The following MAF variants were observed in gnomAD, a reference collection of about 807,000 sequenced individuals.
The protein encoded by MAF is transcription factor Maf.
In MAF, 10 loss-of-function variants were observed where a neutral mutation model predicts 22.0. That is an observed-to-expected ratio of 0.45 (90% CI 0.28 to 0.77). The LOEUF (loss-of-function observed/expected upper bound fraction) is 0.77, where lower values mean the gene tolerates loss of function less well. Ranked by LOEUF, MAF falls within the 30% of genes least tolerant of loss-of-function variation. The pLI, the probability that MAF is intolerant of heterozygous loss-of-function variation, is 0.12. For missense variants in MAF, 544 were observed against 548.4 expected, an observed-to-expected ratio of 0.99 and a Z score of 0.08; for synonymous variants, 337 against 255.8, an observed-to-expected ratio of 1.32 and a Z score of -3.03.
At position 79,599,292 on chromosome 16, in the gene MAF, C is replaced by T. The variant is rs867401075; in HGVS notation, c.611G>A (p.Gly204Asp). The T allele has an allele frequency of 1.0e-6, 1 of 979,642 alleles. No individual in the cohort carries two copies. Among genetic ancestry groups the T allele is most frequent in the Non-Finnish European group, 1.2e-6 (1 of 827,914 alleles). The allele number at this position is 979,642 out of a possible 1,614,324, so 60.7% of individuals were successfully genotyped here. ...GCCACCGGCCGAGGCGGCCGCGCTG[C>T]CCGCGGCGCCGGGCGCGCCGGCCGT... Reference protein sequence around the residue: ...HPTAGAPGAAGSAAASAGGAG... With the variant: ...HPTAGAPGAADSAAASAGGAG... Residue 204 changes from glycine to aspartate, a missense_variant, in exon 1 of 2, where the codon GGC (glycine) becomes GAC (aspartate). This residue lies in a region of MAF where 342 missense variants were observed against 315.5 expected (regional missense o/e 1.08). Transcript: ENST00000326043.
At chr16:79,516,050 TTCCAGCTC>T in the MAF span, 1 of 149,264 alleles carries the variant, frequency 6.7e-6, no homozygotes, top group African/African-American at 2.5e-5. Context: ...TATCCCATGA[TTCCAGCTC>T]TCCAGCAATT....
At chr16:79,313,419 C>G in the MAF span, among the ~76,000 whole-genome samples, 6 of 152,160 alleles carry the variant, frequency 3.9e-5, no homozygotes, top group Non-Finnish European at 8.8e-5. Context: ...CAGTCATGAC[C>G]AGGTCCATGA....
At chr16:79,522,297 A>T in the MAF span, among the ~76,000 whole-genome samples, 1 of 152,106 alleles carries the variant, frequency 6.6e-6, no homozygotes. Flanking sequence ...TTTTTACATG[A>T]GTCTTCCTGC....
chr16:79,476,747 G>C, the MAF span, among the ~76,000 whole-genome samples: 4 of 152,214 alleles, frequency 2.6e-5, no homozygotes, highest in African/African-American at 9.7e-5. Context: ...ATGACAGTGA[G>C]TGAGTAGACT....
chr16:79,279,994 A>G, the MAF span, among the ~76,000 whole-genome samples: 3 of 152,186 alleles, frequency 2.0e-5, no homozygotes, highest in Admixed American at 1.3e-4. Context: ...GATGTGAAGC[A>G]TGGTTTCTGC....
chr16:79,596,160 T>A, intron 1 of MAF: 2 of 1,063,004 alleles, frequency 1.9e-6, no homozygotes, highest in Non-Finnish European at 2.3e-6. Flanking sequence ...TGATCAGAAG[T>A]GTAGGGCCAT....
chr16:79,263,236 T>A, the MAF span, among the ~76,000 whole-genome samples: 1 of 152,318 alleles, frequency 6.6e-6, no homozygotes, highest in East Asian at 1.9e-4. Flanking sequence ...CCAAGAGTTT[T>A]GGCCAAGTCA....
the MAF span, among the ~76,000 whole-genome samples, chr16:79,419,181 T>C: frequency 6.6e-6 from 1 of 151,980 alleles, no homozygotes. Context: ...AATCATGGGG[T>C]GCTCAGAAGT....
chr16:79,211,911 G>GAAAT, the MAF span: 2 of 1,549,514 alleles, frequency 1.3e-6, no homozygotes, highest in Admixed American at 1.9e-5. Flanking sequence ...AAGAGTAAAG[G>GAAAT]AAATAAGAGC....
At chr16:79,586,066 G>C in intron 1 of MAF, 2 of 539,954 alleles carry the variant, frequency 3.7e-6, no homozygotes, top group South Asian at 2.7e-5. Context: ...CAAAAGAAGA[G>C]TGATTTTGTT....
the MAF span, among the ~76,000 whole-genome samples, chr16:79,262,305 G>A: frequency 6.6e-6 from 1 of 152,140 alleles, no homozygotes; most frequent in African/African-American, 2.4e-5. Flanking sequence ...TAAAACTCAT[G>A]TTCTCTCTAA....
In MAF at chr16:79,599,447, G is replaced by C. The variant is rs1913849090; in HGVS notation, c.456C>G (p.Gly152=). 1 of 1,258,348 alleles carries C rather than the reference G, an allele frequency of 7.9e-7. No individual in the cohort carries two copies. The highest frequency in any genetic ancestry group is 9.9e-7 in the Non-Finnish European group (1 of 1,007,958). 77.9% of individuals were successfully genotyped at this position (1,258,348 alleles called of 1,614,324 possible). The change falls in exon 1 of 2, where the codon GGC becomes GGG. Residue 152 remains glycine (G), a synonymous_variant. Coordinates refer to ENST00000326043, the MANE Select transcript of MAF (RefSeq NM_005360.5). ...CGGCGGGGCCCATCTCCTCGCCGCT[G>C]CCGCCCAAGGAGGCGCCGGCACCGG... is the stretch of plus-strand genomic sequence containing the variant. ...AGAGAGASLG[G]SGEEMGPAAA...
chr16:79,567,432 C>A, the MAF span, among the ~76,000 whole-genome samples: 2 of 152,152 alleles, frequency 1.3e-5, no homozygotes, highest in Admixed American at 1.3e-4. Context: ...ACTGTCAAAT[C>A]AACTGAGAAA....
chr16:79,332,095 G>A, the MAF span, among the ~76,000 whole-genome samples: 11 of 151,990 alleles, frequency 7.2e-5, no homozygotes, highest in African/African-American at 1.4e-4. Flanking sequence ...TTAGGTACTC[G>A]ATAAACATGT....
chr16:79,336,218 C>T, the MAF span, among the ~76,000 whole-genome samples: 1 of 152,244 alleles, frequency 6.6e-6, no homozygotes, highest in African/African-American at 2.4e-5. Context: ...ACTTGCTCCA[C>T]TACTTGTCAC....
chr16:79,388,450 A>C, the MAF span, among the ~76,000 whole-genome samples: 5 of 152,222 alleles, frequency 3.3e-5, no homozygotes, highest in African/African-American at 9.6e-5. Flanking sequence ...TATATAGTCC[A>C]TAGGATACTT....
the MAF span, among the ~76,000 whole-genome samples, chr16:79,455,659 TA>T: frequency 6.6e-6 from 1 of 152,334 alleles, no homozygotes; most frequent in African/African-American, 2.4e-5. Flanking sequence ...ATATTTACAT[TA>T]AAAAATTGAT....
chr16:79,468,607 A>T, the MAF span, among the ~76,000 whole-genome samples: 2 of 152,334 alleles, frequency 1.3e-5, no homozygotes, highest in African/African-American at 4.8e-5. Context: ...TAACCTGCTC[A>T]GCCCCAGCTC....
the MAF span, among the ~76,000 whole-genome samples, chr16:79,376,354 A>C: frequency 6.6e-6 from 1 of 151,958 alleles, no homozygotes; most frequent in Non-Finnish European, 1.5e-5. Context: ...GCCTTTAATA[A>C]ATGGAGTTTC....
Sources: gnomAD v4.1 joint callset for allele counts (sites outside exome capture counted in the v4.1 genomes callset) on GRCh38, gnomAD v4.1.1 for gene constraint, gnomAD v4.1.1 regional missense constraint, MANE v1.5 for transcripts, NCBI Gene and HGNC (gene_info 2026-07-23, HGNC 2026-07-21) for gene names.